The following SLC10A6 variants were observed in gnomAD, a reference collection of about 807,000 sequenced individuals.
SLC10A6 encodes the protein sodium-dependent organic anion transporter.
Under a neutral mutation model 30.0 loss-of-function variants are expected in SLC10A6, and 27 were observed. The observed-to-expected ratio is 0.90, with a 90% CI of 0.66 to 1.24. The LOEUF is 1.24. SLC10A6 is among the 50% of genes most tolerant of loss of function. The probability of loss-of-function intolerance (pLI) is 0.00; values close to 1 mark genes in which losing one functional copy is unlikely to be tolerated. For missense variants in SLC10A6, 439 were observed against 457.0 expected, an observed-to-expected ratio of 0.96 and a Z score of 0.36; for synonymous variants, 166 against 173.8, an observed-to-expected ratio of 0.95 and a Z score of 0.36.
intron 1 of SLC10A6, among the ~76,000 whole-genome samples, chr4:86,842,922 A>G: frequency 2.1e-5 from 3 of 145,694 alleles, no homozygotes; most frequent in African/African-American, 5.1e-5. Context: ...CCCAGGCTGG[A>G]GTGCAGTGGT....
chr4:86,839,730 C>A (rs1746258767), intron 1 of SLC10A6, among the ~76,000 whole-genome samples: 1 of 152,002 alleles, frequency 6.6e-6, no homozygotes. Flanking sequence ...TCTGTGAATT[C>A]CCAAGGTGGA....
At chr4:86,833,852 C>T (rs79470810) in intron 1 of SLC10A6, among the ~76,000 whole-genome samples, 3,120 of 152,224 alleles carry the variant, frequency 0.02, 124 homozygotes, top group African/African-American at 0.071. Context: ...ACCCCATCCC[C>T]ATTAGCAGTC....
At chr4:86,831,129 C>T (rs753205325) in intron 3 of SLC10A6, among the ~76,000 whole-genome samples, 2 of 152,170 alleles carry the variant, frequency 1.3e-5, no homozygotes, top group Non-Finnish European at 2.9e-5. Flanking sequence ...TGAGCCACTG[C>T]ACCTGGCCTC....
At chr4:86,842,858 CTTT>C (rs1746325929) in intron 1 of SLC10A6, among the ~76,000 whole-genome samples, 2 of 39,576 alleles carry the variant, frequency 5.1e-5, no homozygotes, top group Non-Finnish European at 9.1e-5. Context: ...TTCTTTCTTT[CTTT>C]CTTTCTTTCT....
chr4:86,844,127 G>A (rs367988912), intron 1 of SLC10A6, among the ~76,000 whole-genome samples: 4 of 152,088 alleles, frequency 2.6e-5, no homozygotes, highest in African/African-American at 7.2e-5. Context: ...GCAGTGAGCC[G>A]AGATCACGCC....
At position 86,829,391 on chromosome 4, in the gene SLC10A6, A is replaced by T. The variant is rs113812513; in HGVS notation, c.586-1223T>A. ...GCGCCACTGCACTCCAGCCTGGGTG[A>T]CAGAGCAAGACTCCGTTTAAAAAAA... On this transcript the variant is annotated intron_variant, in intron 3 of 5. Coordinates refer to ENST00000273905, the MANE Select transcript of SLC10A6 (RefSeq NM_197965.3). Among the ~76,000 whole-genome samples the T allele has an allele frequency of 3.3e-3, 505 of 152,308 alleles. 1 individual carries two copies. The highest frequency in any genetic ancestry group is 0.012 in the African/African-American group (488 of 41,556).
Position 86,823,879 on chromosome 4 carries a change from A to G in SLC10A6, c.943T>C (p.Leu315=), listed in dbSNP as rs760568808. ...VAAYQTYKRR[L]KNKHGKKNSG... ...TTCTTTTTTCCATGTTTGTTCTTCA[A>G]TCTCCTCTTGTACGTCTGATATGCT... The change falls in exon 6 of 6, where the codon TTG becomes CTG. Residue 315 remains leucine, a synonymous_variant. Coordinates refer to ENST00000273905, the MANE Select transcript of SLC10A6 (RefSeq NM_197965.3). 21 of 1,612,812 alleles carry G rather than the reference A, an allele frequency of 1.3e-5. No homozygotes were observed. The highest frequency in any genetic ancestry group is 6.6e-5 in the South Asian group (6 of 90,760).
intron 1 of SLC10A6, among the ~76,000 whole-genome samples, chr4:86,844,962 G>A (rs955276137): frequency 6.6e-6 from 1 of 152,082 alleles, no homozygotes; most frequent in Non-Finnish European, 1.5e-5. Context: ...TCAACCCCAT[G>A]ACCTGATCAC....
At chr4:86,837,327 A>AGGGAGGGAGGGAGGAAG (rs1560460481) in intron 1 of SLC10A6, among the ~76,000 whole-genome samples, 4 of 131,784 alleles carry the variant, frequency 3.0e-5, no homozygotes, top group East Asian at 4.6e-4. Context: ...GGAAGGAAGG[A>AGGGAGGGAGGGAGGAAG]AGGAAGGAAG....
chr4:86,828,307 T>G, intron 3 of SLC10A6, 139 bp from the exon 4 acceptor site: 6 of 897,170 alleles, frequency 6.7e-6, no homozygotes, highest in Non-Finnish European at 9.6e-6. Context: ...AAATACAATT[T>G]CATTTAGTAG....
At chr4:86,846,190 C>G (rs371643358) in intron 1 of SLC10A6, among the ~76,000 whole-genome samples, 10 of 152,136 alleles carry the variant, frequency 6.6e-5, no homozygotes, top group Admixed American at 5.9e-4. Context: ...TCACACCGTA[C>G]TTGATTTTCA....
intron 4 of SLC10A6, among the ~76,000 whole-genome samples, chr4:86,827,438 C>A (rs1262746962): frequency 2.6e-5 from 4 of 152,154 alleles, no homozygotes; most frequent in African/African-American, 4.8e-5. Flanking sequence ...CTTAGTACAA[C>A]CCTAAATGTT....
Position 86,831,823 on chromosome 4 carries a change from C to G in SLC10A6, c.554G>C (p.Arg185Thr), listed in dbSNP as rs72874286. The G allele has an allele frequency of 7.1e-4, 1,139 of 1,613,488 alleles. 7 individuals carry two copies. In the African/African-American group the frequency reaches 0.013, roughly 19 times the overall value. Residue 185 changes from arginine (R) to threonine (T), a missense_variant, in exon 3 of 6, where the codon AGA (arginine) becomes ACA (threonine). Arg to Thr is a moderately conservative substitution (Grantham distance 71). Coordinates refer to ENST00000273905, the MANE Select transcript of SLC10A6 (RefSeq NM_197965.3). ...PVAFGVYVNY[R>T]WPKQSKIILK... ...AATGATTTTGGATTGTTTTGGCCAT[C>G]TGTAATTCACATAGACACCAAAGGC...
Position 86,849,205 on chromosome 4 carries a change from G to C in SLC10A6, c.-90C>G, listed in dbSNP as rs557190675. On this transcript the variant is annotated 5_prime_UTR_variant, in exon 1 of 6. Transcript: ENST00000273905. ...CTGCCACATTTTGTAATAGTGCAAC[G>C]AAGTCACACATGGAGAATCATTCCA... 7.0e-7 allele frequency: 1 copy of C among 1,428,378 alleles called. No individual in the cohort carries two copies. The highest frequency in any genetic ancestry group is 9.5e-7 in the Non-Finnish European group (1 of 1,056,456). The allele number at this position is 1,428,378 out of a possible 1,614,324, so 88.5% of individuals were successfully genotyped here.
At chr4:86,827,350 G>C (rs1746013869) in intron 4 of SLC10A6, among the ~76,000 whole-genome samples, 1 of 152,186 alleles carries the variant, frequency 6.6e-6, no homozygotes, top group African/African-American at 2.4e-5. Context: ...TCAGTAGAAT[G>C]AGGGTAGTGA....
At chr4:86,830,896 C>G (rs1264442717) in intron 3 of SLC10A6, among the ~76,000 whole-genome samples, 1 of 152,122 alleles carries the variant, frequency 6.6e-6, no homozygotes, top group Non-Finnish European at 1.5e-5. Flanking sequence ...TAAAGTGATA[C>G]ATAATCAGAA....
At chr4:86,833,144 G>A (rs1045758975) in intron 2 of SLC10A6, among the ~76,000 whole-genome samples, 162 bp downstream of exon 2, 12 of 152,108 alleles carry the variant, frequency 7.9e-5, no homozygotes, top group Non-Finnish European at 1.3e-4. Context: ...GAAGACCTAG[G>A]AGACTGAACT....
In SLC10A6 at chr4:86,832,065, C is replaced by T. The variant is rs561183255; in HGVS notation, c.497-185G>A. ...TATATAAGCTGCTCATAACATTTTG[C>T]GTCTTGTGAGTGCCTTTCAGAACAT... On this transcript the variant is annotated intron_variant, in intron 2 of 5. Transcript: ENST00000273905. Among the ~76,000 whole-genome samples the T allele has an allele frequency of 7.2e-5, 11 of 152,262 alleles. No individual in the cohort carries two copies. In the South Asian group the frequency reaches 1.2e-3, roughly 17 times the overall value.
At chr4:86,837,335 A>C (rs71605621) in intron 1 of SLC10A6, among the ~76,000 whole-genome samples, 7,806 of 112,116 alleles carry the variant, frequency 0.07, 782 homozygotes, top group Non-Finnish European at 0.073. Flanking sequence ...GGAAGGAAGG[A>C]AGGAAGGAAG....
Sources: allele counts gnomAD v4.1 joint callset (sites outside exome capture counted in the v4.1 genomes callset), GRCh38; gene constraint gnomAD v4.1.1; transcripts MANE v1.5; gene names NCBI Gene and HGNC (gene_info 2026-07-23, HGNC 2026-07-21).